Variants in FAM204A observed in about 807,000 individuals in gnomAD.
FAM204A encodes family with sequence similarity 204 member A, also known as protein FAM204A.
Under a neutral mutation model 35.4 loss-of-function variants are expected in FAM204A, and 16 were observed. The observed-to-expected ratio is 0.45, with a 90% CI of 0.31 to 0.69. The LOEUF (loss-of-function observed/expected upper bound fraction) is 0.69. Ranked by LOEUF, FAM204A falls within the 30% of genes least tolerant of loss-of-function variation. The pLI, the probability that FAM204A is intolerant of heterozygous loss-of-function variation, is 0.07. For missense variants in FAM204A, 240 were observed against 265.7 expected (o/e 0.90, Z 0.67); for synonymous variants, 76 against 86.9 (o/e 0.88, Z 0.70).
intron 7 of FAM204A, among the ~76,000 whole-genome samples, chr10:118,317,825 G>A (rs534740332): frequency 7.9e-5 from 12 of 152,054 alleles, no homozygotes; most frequent in African/African-American, 2.9e-4. Context: ...CCCTTTAAAA[G>A]CCCCCCAGAT....
At position 118,310,558 on chromosome 10, in the gene FAM204A, C is replaced by T. The variant is rs546866571; in HGVS notation, c.*299G>A. 4.6e-4 allele frequency: 143 copies of T among 311,624 alleles called. No homozygotes were observed. Among genetic ancestry groups the T allele is most frequent in the Admixed American group, 1.3e-3 (26 of 19,444 alleles). 19.3% of individuals were successfully genotyped at this position (311,624 alleles called of 1,614,324 possible). ...TGTGCTAAACCAAATGAATGGAAAGCGCCAAAAGTGATTTTATACCAAGGG... is the reference window on the plus strand; with the variant it reads ...TGTGCTAAACCAAATGAATGGAAAGTGCCAAAAGTGATTTTATACCAAGGG... On this transcript the variant is annotated 3_prime_UTR_variant, in exon 9 of 9. Coordinates refer to ENST00000369183, the MANE Select transcript of FAM204A (RefSeq NM_022063.3).
At chr10:118,311,453 A>G in intron 7 of FAM204A, 140 bp from the exon 8 acceptor site, 7 of 678,060 alleles carry the variant, frequency 1.0e-5, no homozygotes, top group Non-Finnish European at 1.5e-5. Flanking sequence ...ATTCCTTCTC[A>G]AAGTATAATG....
intron 2 of FAM204A, 102 bp from the exon 3 acceptor site, chr10:118,336,525 T>G: frequency 9.1e-7 from 1 of 1,103,716 alleles, no homozygotes; most frequent in South Asian, 2.0e-5. Context: ...AACAATGGTT[T>G]GGGAACAGTC....
At chr10:118,312,513 G>A (rs1448512948) in intron 7 of FAM204A, among the ~76,000 whole-genome samples, 1 of 152,180 alleles carries the variant, frequency 6.6e-6, no homozygotes, top group Non-Finnish European at 1.5e-5. Context: ...CCTTTAGGAT[G>A]AAATCGACAA....
intron 6 of FAM204A, among the ~76,000 whole-genome samples, chr10:118,331,878 TAAAATC>T (rs1436614810): frequency 2.0e-5 from 3 of 147,928 alleles, no homozygotes; most frequent in Non-Finnish European, 4.5e-5. Flanking sequence ...CATACCCACT[TAAAATC>T]AATTGAGTCG....
In FAM204A at chr10:118,302,328, C is replaced by T. The variant is rs983617261; in HGVS notation, c.*8529G>A. ...CCTTGGAAAATCCTCTAGTGCCATCCTGGCAGTTAAGGCCCTTGAGCAGCC... is the reference window on the plus strand; with the variant it reads ...CCTTGGAAAATCCTCTAGTGCCATCTTGGCAGTTAAGGCCCTTGAGCAGCC... On this transcript the variant is annotated 3_prime_UTR_variant, in exon 9 of 9. Transcript: ENST00000369183. 6.6e-6 allele frequency: 1 copy of T among 152,212 alleles called. No individual in the cohort carries two copies. 9.4% of individuals were successfully genotyped at this position (152,212 alleles called of 1,614,324 possible).
At position 118,298,839 on chromosome 10, in the gene FAM204A, G is replaced by A. The variant is rs1260740266; in HGVS notation, c.*12018C>T. The A allele has an allele frequency of 1.3e-5, 2 of 152,046 alleles. No individual in the cohort carries two copies. The highest frequency in any genetic ancestry group is 1.9e-4 in the East Asian group (1 of 5,182). The allele number at this position is 152,046 out of a possible 1,614,324, so 9.4% of individuals were successfully genotyped here. ...TCACTGATTCGGGAACCTCAAATGCGTTTTCATTGTTAGGTTGCACCGTTA... is the reference window on the plus strand; with the variant it reads ...TCACTGATTCGGGAACCTCAAATGCATTTTCATTGTTAGGTTGCACCGTTA... On this transcript the variant is annotated 3_prime_UTR_variant, in exon 9 of 9. Transcript: ENST00000369183.
chr10:118,311,150 T>C lies in FAM204A; in HGVS notation c.650+57A>G, dbSNP rs575315911. ...ACACGAACTAGATCACAAAATATAT[T>C]AGCAGAATTTCTATGAAGTCAGGAG... On this transcript the variant is annotated intron_variant, in intron 8 of 8. Coordinates refer to ENST00000369183, the MANE Select transcript of FAM204A (RefSeq NM_022063.3). 96 of 1,468,320 alleles carry C rather than the reference T, an allele frequency of 6.5e-5. No homozygotes were observed. In the African/African-American group the frequency reaches 1.2e-3, roughly 18 times the overall value. The allele number at this position is 1,468,320 out of a possible 1,614,324, so 91.0% of individuals were successfully genotyped here.
rs2119764189 is a variant in FAM204A, at chr10:118,302,121, A to G, written c.*8736T>C. The G allele has an allele frequency of 6.6e-6, 1 of 152,356 alleles. No homozygotes were observed. The highest frequency in any genetic ancestry group is 2.1e-4 in the South Asian group (1 of 4,826). 9.4% of individuals were successfully genotyped at this position (152,356 alleles called of 1,614,324 possible). ...TGTGACACTGCAGAGTCTGCTTATT[A>G]TGTCTTTCCCTCTAGGATATGAGCC... On this transcript the variant is annotated 3_prime_UTR_variant, in exon 9 of 9. Transcript: ENST00000369183.
chr10:118,335,488 A>G, intron 4 of FAM204A, 62 bp from the exon 5 acceptor site: 1 of 1,597,696 alleles, frequency 6.3e-7, no homozygotes, highest in South Asian at 1.2e-5. Context: ...ATATTTTAAA[A>G]AAATGGTTAA....
rs969275209 is a variant in FAM204A at position 118,304,615 on chromosome 10, G to A, written c.*6242C>T. The A allele has an allele frequency of 7.9e-5, 12 of 152,366 alleles. No homozygotes were observed. The highest frequency in any genetic ancestry group is 2.4e-4 in the African/African-American group (10 of 41,540). 9.4% of individuals were successfully genotyped at this position (152,366 alleles called of 1,614,324 possible). A position where few individuals can be genotyped will look rare whatever the true frequency, so the allele number is the denominator to read the frequency against. ...GTGCCACGCCGTTCCTTCTACCTAG[G>A]ATGCACTCGCTTCTACTCGCCTACC... On this transcript the variant is annotated 3_prime_UTR_variant, in exon 9 of 9. Transcript: ENST00000369183.
intron 6 of FAM204A, among the ~76,000 whole-genome samples, chr10:118,332,221 C>T (rs1846303241): frequency 8.0e-6 from 1 of 124,990 alleles, no homozygotes; most frequent in Non-Finnish European, 1.7e-5. Context: ...AAACCAGGTT[C>T]AGAAAAAATC....
At chr10:118,328,819 T>A (rs1275044743) in intron 6 of FAM204A, among the ~76,000 whole-genome samples, 1 of 152,086 alleles carries the variant, frequency 6.6e-6, no homozygotes, top group African/African-American at 2.4e-5. Flanking sequence ...CTACCCACTA[T>A]CTCCTCTGGT....
rs1347836941 is a variant in FAM204A, at chr10:118,335,596, T to C, written c.280A>G (p.Thr94Ala). ...CTTCTTTTCCCTCTGAATCTTGAGG[T>C]TGTGCTTTTCTGTTCAGAATGTTTT... ...HKKHSEQKST[T>A]SRFRGKRRKR... The change falls in exon 4 of 9, where the codon ACC (threonine) becomes GCC (alanine). Residue 94 changes from threonine (T) to alanine (A), a missense_variant. By Grantham distance (58) the Thr-to-Ala change is moderately conservative (BLOSUM62 0). This residue lies in a region of FAM204A where 232 missense variants were observed against 242.8 expected (regional missense o/e 0.96). Coordinates refer to ENST00000369183, the MANE Select transcript of FAM204A (RefSeq NM_022063.3). 1 of 1,611,274 alleles carries C rather than the reference T, an allele frequency of 6.2e-7. No homozygotes were observed. The highest frequency in any genetic ancestry group is 8.5e-7 in the Non-Finnish European group (1 of 1,179,392).
At chr10:118,338,754 T>A (rs1846426760) in intron 2 of FAM204A, among the ~76,000 whole-genome samples, 1 of 152,194 alleles carries the variant, frequency 6.6e-6, no homozygotes, top group African/African-American at 2.4e-5. Context: ...ACAGGTCTCC[T>A]ACTAAACCAC....
At chr10:118,319,217 C>G (rs1327565646) in intron 7 of FAM204A, among the ~76,000 whole-genome samples, 5 of 151,922 alleles carry the variant, frequency 3.3e-5, no homozygotes, top group Admixed American at 3.3e-4. Flanking sequence ...TAGGAGAATG[C>G]CTTTAGATGT....
At chr10:118,335,328 T>C in intron 5 of FAM204A, 68 bp downstream of exon 5, 2 of 1,561,570 alleles carry the variant, frequency 1.3e-6, no homozygotes, top group South Asian at 2.4e-5. Flanking sequence ...TTGATTACTA[T>C]CAGAAACAAT....
intron 6 of FAM204A, among the ~76,000 whole-genome samples, chr10:118,334,559 A>G (rs775177912): frequency 4.3e-4 from 66 of 152,300 alleles, no homozygotes; most frequent in Non-Finnish European, 7.4e-4. Flanking sequence ...TCTTTTTAAC[A>G]TAGGTCATGT....
chr10:118,322,957 A>C (rs1846141235), intron 7 of FAM204A, among the ~76,000 whole-genome samples: 1 of 152,168 alleles, frequency 6.6e-6, no homozygotes, highest in South Asian at 2.1e-4. Context: ...AAAGATAAAA[A>C]GATGGACAGT....
Sources: allele counts gnomAD v4.1 joint callset (sites outside exome capture counted in the v4.1 genomes callset), GRCh38; gene constraint gnomAD v4.1.1; regional missense constraint gnomAD v4.1.1; transcripts MANE v1.5; gene names NCBI Gene and HGNC (gene_info 2026-07-23, HGNC 2026-07-21).